The following ATXN2L variants were observed in gnomAD, a reference collection of about 807,000 sequenced individuals.
The protein encoded by ATXN2L is ataxin-2-like protein.
ATXN2L carries 24 observed loss-of-function variants against 120.7 expected under a neutral mutation model. The observed-to-expected ratio is 0.20, with a 90% CI of 0.14 to 0.28. The LOEUF is 0.28. Among genes scored for constraint, ATXN2L ranks in the 10% least tolerant of loss-of-function variants. The pLI, the probability that ATXN2L is intolerant of heterozygous loss-of-function variation, is 1.00. For missense variants in ATXN2L, 1,312 were observed against 1,432.3 expected (o/e 0.92, Z 1.36); for synonymous variants, 653 against 568.1 (o/e 1.15, Z -2.13).
chr16:28,830,891 T>A (rs1355647122), intron 9 of ATXN2L, 71 bp from the exon 10 acceptor site: 1 of 1,486,878 alleles, frequency 6.7e-7, no homozygotes, highest in Non-Finnish European at 9.0e-7. Flanking sequence ...TGACGCTGCA[T>A]CGGTGGGAAT....
intron 15 of ATXN2L, 99 bp downstream of exon 15, chr16:28,833,607 A>T: frequency 8.0e-7 from 1 of 1,247,618 alleles, no homozygotes; most frequent in Admixed American, 1.8e-5. Context: ...TTCCAGGACC[A>T]CTTGCCTGGC....
At position 28,837,035 on chromosome 16, in the gene ATXN2L, C is replaced by T. The variant is rs193268136; in HGVS notation, c.*770C>T. The T allele has an allele frequency of 2.9e-4, 194 of 661,792 alleles. 1 individual carries two copies. Among genetic ancestry groups the T allele is most frequent in the African/African-American group, 2.1e-3 (120 of 56,078 alleles). The allele number at this position is 661,792 out of a possible 1,614,324, so 41.0% of individuals were successfully genotyped here. ...CCTCCCATCCTCTCATCTATTCCCC[C>T]GCTGGAGACGGAAGATCTTTTATTT... On this transcript the variant is annotated 3_prime_UTR_variant, in exon 22 of 22. Coordinates refer to ENST00000336783, the MANE Select transcript of ATXN2L (RefSeq NM_007245.4).
rs373381638 is a variant in ATXN2L, at chr16:28,826,845, C to T, written c.617-17C>T. 8.4e-6 allele frequency: 13 copies of T among 1,545,748 alleles called. No individual in the cohort carries two copies. The highest frequency in any genetic ancestry group is 1.1e-5 in the Non-Finnish European group (13 of 1,140,046). On this transcript the variant is annotated splice_polypyrimidine_tract_variant and intron_variant, in intron 5 of 21. Transcript: ENST00000336783. ...GAAATATAGCCTGACTCCTGATCTTCACCTCTGCCCCCACAGACAAGTTCA... is the reference window on the plus strand; with the variant it reads ...GAAATATAGCCTGACTCCTGATCTTTACCTCTGCCCCCACAGACAAGTTCA...
chr16:28,832,682 T>TATA (rs1178457184), intron 12 of ATXN2L, 115 bp downstream of exon 12: 12 of 1,416,512 alleles, frequency 8.5e-6, no homozygotes, highest in Non-Finnish European at 9.8e-6. Context: ...GTCCTTGGAT[T>TATA]ATAATTTCAC....
intron 8 of ATXN2L, among the ~76,000 whole-genome samples, chr16:28,830,310 A>G (rs767608774): frequency 2.2e-4 from 34 of 152,138 alleles, no homozygotes; most frequent in Non-Finnish European, 3.5e-4. Context: ...TAACTACATT[A>G]TTTGTGTCTT....
Position 28,830,712 on chromosome 16 carries a change from T to C in ATXN2L, c.1132T>C (p.Ser378Pro), listed in dbSNP as rs370532118. 2.5e-6 allele frequency: 4 copies of C among 1,613,566 alleles called. No individual in the cohort carries two copies. Among genetic ancestry groups the C allele is most frequent in the African/African-American group, 1.3e-5 (1 of 74,824 alleles). Residue 378 changes from serine (S) to proline (P), a missense_variant, in exon 9 of 22, where the codon TCT (serine) becomes CCT (proline). Coordinates refer to ENST00000336783, the MANE Select transcript of ATXN2L (RefSeq NM_007245.4). Reference protein sequence around the residue: ...SSRGGRPGLSSLPPRGPHHLD... With the variant: ...SSRGGRPGLSPLPPRGPHHLD... The stretch of plus-strand genomic sequence containing the variant: ...TCGGGGCGGTCGGCCTGGCCTTAGC[T>C]CTTTGCCACCTCGTGGCCCTCACCA...
At chr16:28,830,523 C>T in intron 8 of ATXN2L, 92 bp from the exon 9 acceptor site, 1 of 1,254,638 alleles carries the variant, frequency 8.0e-7, no homozygotes, top group Non-Finnish European at 1.1e-6. Context: ...TGTTTGGGGG[C>T]AGAAGGGGGA....
rs1220120641 is a variant in ATXN2L, at chr16:28,823,244, TC to T, written c.-14del. 5.6e-6 allele frequency: 8 copies of T among 1,429,032 alleles called. No individual in the cohort carries two copies. The highest frequency in any genetic ancestry group is 7.3e-6 in the Non-Finnish European group (8 of 1,089,226). The allele number at this position is 1,429,032 out of a possible 1,614,324, so 88.5% of individuals were successfully genotyped here. ...TCCCTCCCTTCTCTCTAATTCCCCT[TC>T]CGGACGCTGCCATCATGTTGAAGCC... On this transcript the variant is annotated 5_prime_UTR_variant, in exon 1 of 22. Coordinates refer to ENST00000336783, the MANE Select transcript of ATXN2L (RefSeq NM_007245.4).
In ATXN2L at chr16:28,836,701, G is replaced by T; in HGVS notation, c.*436G>T. ...CAGCTGCTTGGGTTCTAATGCTCCT[G>T]CTCTCTTCTCTTTCCCCTCCAACCA... On this transcript the variant is annotated 3_prime_UTR_variant, in exon 22 of 22. Transcript: ENST00000336783. 1 of 1,613,624 alleles carries T rather than the reference G, an allele frequency of 6.2e-7. No homozygotes were observed. The highest frequency in any genetic ancestry group is 8.5e-7 in the Non-Finnish European group (1 of 1,179,936).
chr16:28,825,470 G>T, intron 2 of ATXN2L, 68 bp downstream of exon 2: 3 of 1,562,450 alleles, frequency 1.9e-6, no homozygotes, highest in South Asian at 1.1e-5. Context: ...GGAATATAGG[G>T]CACATTAGGT....
rs1398444139 is a variant in ATXN2L, at chr16:28,832,398, T to C, written c.1515T>C (p.Asp505=). ...CAAAGATCTCCCTGGCCCCCACAGATGGTAAGAGCTAGGTGTTTGAGTGCT... is the reference window on the plus strand; with the variant it reads ...CAAAGATCTCCCTGGCCCCCACAGACGGTAAGAGCTAGGTGTTTGAGTGCT... The part of the protein sequence containing the change: ...ASPKISLAPT[D]VKELSTKEPG... Residue 505 remains aspartate (D), a splice_region_variant and synonymous_variant, in exon 11 of 22, where the codon GAT becomes GAC. Transcript: ENST00000336783. 1.2e-6 allele frequency: 2 copies of C among 1,613,962 alleles called. No individual in the cohort carries two copies. Among genetic ancestry groups the C allele is most frequent in the Non-Finnish European group, 1.7e-6 (2 of 1,179,870 alleles).
chr16:28,831,063 C>T lies in ATXN2L; in HGVS notation c.1312C>T (p.Pro438Ser), dbSNP rs755296971. ...TTCTGGAGAAACTTCTGTTCCACCT[C>T]CTCCTGCAGGTAAAGCTTTAGTAGT... ...RPSGETSVPP[P>S]PAVGRMYPPR... Residue 438 changes from proline to serine, a missense_variant, in exon 10 of 22, where the codon CCT (proline) becomes TCT (serine). By Grantham distance (74) the Pro-to-Ser change is moderately conservative. Coordinates refer to ENST00000336783, the MANE Select transcript of ATXN2L (RefSeq NM_007245.4). 7.5e-6 allele frequency: 12 copies of T among 1,602,576 alleles called. No individual in the cohort carries two copies. Among genetic ancestry groups the T allele is most frequent in the South Asian group, 4.5e-5 (4 of 89,618 alleles).
rs1233525199 is a variant in ATXN2L, at chr16:28,825,772, C to T, written c.396C>T (p.Gly132=). ...TCTTATTTTTCCCACTCTGCCAGGG[C>T]TCCACTTGTGATGTAAAGGTGAAAA... ...RMLHFLTAVV[G]STCDVKVKNG... Residue 132 remains glycine (G), a splice_region_variant and synonymous_variant, in exon 4 of 22, where the codon GGC becomes GGT. Transcript: ENST00000336783. The T allele has an allele frequency of 6.2e-7, 1 of 1,614,060 alleles. No homozygotes were observed. Among genetic ancestry groups the T allele is most frequent in the East Asian group, 2.2e-5 (1 of 44,878 alleles).
Position 28,826,313 on chromosome 16 carries a change from T to C in ATXN2L, c.539T>C (p.Val180Ala). 6.2e-7 allele frequency: 1 copy of C among 1,614,200 alleles called. No individual in the cohort carries two copies. The highest frequency in any genetic ancestry group is 8.5e-7 in the Non-Finnish European group (1 of 1,180,042). ...PAGGPRREDI[V>A]DTMVFKPSDV... ...GGTGGCCCTCGTCGGGAGGACATTG[T>C]GGACACCATGGTGTTTAAGCCAAGT... The change falls in exon 5 of 22, where the codon GTG becomes GCG. Residue 180 changes from valine to alanine, a missense_variant. Coordinates refer to ENST00000336783, the MANE Select transcript of ATXN2L (RefSeq NM_007245.4).
In ATXN2L at chr16:28,834,559, A is replaced by T; in HGVS notation, c.2299A>T (p.Met767Leu). 1 of 1,612,542 alleles carries T rather than the reference A, an allele frequency of 6.2e-7. No homozygotes were observed. The highest frequency in any genetic ancestry group is 2.2e-5 in the East Asian group (1 of 44,874). ...DQHQPASAPP[M>L]MQAAAAAGPP... ...ACACCAGCCAGCCTCAGCCCCGCCG[A>T]TGATGCAGGCCGCCGCGGCTGCTGG... Residue 767 changes from methionine (M) to leucine (L), a missense_variant, in exon 18 of 22, where the codon ATG (methionine) becomes TTG (leucine). By Grantham distance (15) the Met-to-Leu change is conservative. Transcript: ENST00000336783.
At position 28,833,104 on chromosome 16, in the gene ATXN2L, C is replaced by T. The variant is rs755975680; in HGVS notation, c.1705C>T (p.Pro569Ser). 2.5e-6 allele frequency: 4 copies of T among 1,614,086 alleles called. No individual in the cohort carries two copies. Among genetic ancestry groups the T allele is most frequent in the Non-Finnish European group, 2.5e-6 (3 of 1,180,026 alleles). ...TGAGAACAGCCTGGATCCTTTTCCT[C>T]CCCGGATCTTAAAGGAGGAGCCCAA... The part of the protein sequence containing the change: ...SPENSLDPFP[P>S]RILKEEPKGK... Residue 569 changes from proline (P) to serine (S), a missense_variant, in exon 14 of 22, where the codon CCC becomes TCC. Transcript: ENST00000336783.
chr16:28,836,951 G>C lies in ATXN2L; in HGVS notation c.*686G>C, dbSNP rs758905885. On this transcript the variant is annotated 3_prime_UTR_variant, in exon 22 of 22. Transcript: ENST00000336783. ...AGGGGCCTCACAGAGGGCAGGGCCAGGGTCCAGCAGGGGTGGGGGGTTCCT... is the reference window on the plus strand; with the variant it reads ...AGGGGCCTCACAGAGGGCAGGGCCACGGTCCAGCAGGGGTGGGGGGTTCCT... 21 of 715,788 alleles carry C rather than the reference G, an allele frequency of 2.9e-5. No homozygotes were observed. In the East Asian group the frequency reaches 5.7e-4, roughly 19 times the overall value. The allele number at this position is 715,788 out of a possible 1,614,324, so 44.3% of individuals were successfully genotyped here. A position where few individuals can be genotyped will look rare whatever the true frequency, so the allele number is the denominator to read the frequency against.
intron 16 of ATXN2L, 62 bp from the exon 17 acceptor site, chr16:28,834,281 G>A: frequency 1.2e-6 from 2 of 1,611,968 alleles, no homozygotes; most frequent in South Asian, 1.1e-5. Context: ...GAGGGACCAG[G>A]TCAGGCCTGT....
intron 1 of ATXN2L, chr16:28,824,452 G>GC: frequency 7.8e-7 from 1 of 1,287,206 alleles, no homozygotes; most frequent in Non-Finnish European, 1.0e-6. Flanking sequence ...CTGTCCCCCA[G>GC]CCCCGCCAGC....
Sources: allele counts gnomAD v4.1 joint callset (sites outside exome capture counted in the v4.1 genomes callset), GRCh38; gene constraint gnomAD v4.1.1; transcripts MANE v1.5; gene names NCBI Gene and HGNC (gene_info 2026-07-23, HGNC 2026-07-21).